SETBP1: variants seen among roughly 807,000 people sequenced by gnomAD.
SETBP1 encodes the protein SET binding protein 1, also known as SET-binding protein.
In SETBP1, 9 loss-of-function variants were observed where a neutral mutation model predicts 101.0. That is an observed-to-expected ratio of 0.09 (90% CI 0.05 to 0.16). The LOEUF (loss-of-function observed/expected upper bound fraction) is 0.16, where lower values mean the gene tolerates loss of function less well. Ranked by LOEUF, SETBP1 falls within the 10% of genes least tolerant of loss-of-function variation. The pLI, the probability that SETBP1 is intolerant of heterozygous loss-of-function variation, is 1.00. For missense variants in SETBP1, 1,858 were observed against 2,033.8 expected (o/e 0.91, Z 1.66); for synonymous variants, 818 against 788.5 (o/e 1.04, Z -0.63).
chr18:44,687,578 G>T (rs2068859278), intron 1 of SETBP1, among the ~76,000 whole-genome samples: 2 of 152,170 alleles, frequency 1.3e-5, no homozygotes, highest in South Asian at 4.1e-4. Flanking sequence ...GAGTAATGTG[G>T]AAGGAAGAAA....
chr18:44,812,030 C>A (rs1723522435), intron 2 of SETBP1, among the ~76,000 whole-genome samples: 1 of 152,200 alleles, frequency 6.6e-6, no homozygotes, highest in Non-Finnish European at 1.5e-5. Flanking sequence ...GTGGCCTGAG[C>A]AGCTGCCCCA....
intron 3 of SETBP1, among the ~76,000 whole-genome samples, chr18:44,901,323 G>A (rs2070039890): frequency 6.6e-6 from 1 of 152,168 alleles, no homozygotes. Flanking sequence ...AGGAGCAATG[G>A]CATTGAAAAG....
intron 2 of SETBP1, among the ~76,000 whole-genome samples, chr18:44,856,822 C>T (rs137946841): frequency 3.3e-5 from 5 of 152,256 alleles, no homozygotes; most frequent in East Asian, 3.9e-4. Flanking sequence ...TCTTTCATTG[C>T]GATATGGCAA....
chr18:44,868,931 T>G (rs1248341153), intron 2 of SETBP1, among the ~76,000 whole-genome samples: 1 of 152,152 alleles, frequency 6.6e-6, no homozygotes, highest in Non-Finnish European at 1.5e-5. Flanking sequence ...GCCATGGACC[T>G]GATGAAGGCC....
chr18:44,987,225 C>G (rs1485591325), intron 4 of SETBP1: 3 of 152,182 alleles, frequency 2.0e-5, no homozygotes, highest in Non-Finnish European at 4.4e-5. Flanking sequence ...CTGACCAAAA[C>G]AATGTTATGC....
chr18:45,005,044 AT>A (rs1197030600), intron 4 of SETBP1, among the ~76,000 whole-genome samples: 1 of 152,224 alleles, frequency 6.6e-6, no homozygotes, highest in African/African-American at 2.4e-5. Context: ...GCAGAGTCCT[AT>A]AAGGGCTTTG....
chr18:44,921,067 G>A (rs939421260), intron 3 of SETBP1, among the ~76,000 whole-genome samples: 3 of 152,188 alleles, frequency 2.0e-5, no homozygotes, highest in Non-Finnish European at 4.4e-5. Flanking sequence ...ATTCATAAAA[G>A]GAGGTAATCA....
intron 4 of SETBP1, among the ~76,000 whole-genome samples, chr18:45,015,982 C>T (rs1274062330): frequency 6.6e-6 from 1 of 152,146 alleles, no homozygotes; most frequent in Non-Finnish European, 1.5e-5. Context: ...AAACTGAGGC[C>T]AAAAGTCCTA....
intron 2 of SETBP1, among the ~76,000 whole-genome samples, chr18:44,775,061 C>G (rs2070967637): frequency 6.6e-6 from 1 of 151,974 alleles, no homozygotes; most frequent in Admixed American, 6.6e-5. Context: ...ATGCTGATAC[C>G]TTCAAATCAA....
Position 44,952,071 on chromosome 18 carries a change from A to T in SETBP1, c.2731A>T (p.Thr911Ser). The T allele has an allele frequency of 6.2e-7, 1 of 1,614,104 alleles. No individual in the cohort carries two copies. The highest frequency in any genetic ancestry group is 1.1e-5 in the South Asian group (1 of 91,074). Reference protein sequence around the residue: ...NPEAIPSDTSTKNRHGHRQKH... With the variant: ...NPEAIPSDTSSKNRHGHRQKH... ...GGAGGCCATTCCGTCCGACACCAGC[A>T]CAAAGAACCGGCATGGCCACCGGCA... Residue 911 changes from threonine to serine, a missense_variant, in exon 4 of 6, where the codon ACA becomes TCA. Around this residue, in one of 12 missense-constraint regions of SETBP1, gnomAD observed 255 missense variants for 300.1 expected, o/e 0.85. Transcript: ENST00000649279.
At chr18:44,832,096 A>G (rs2072384152) in intron 2 of SETBP1, among the ~76,000 whole-genome samples, 1 of 152,216 alleles carries the variant, frequency 6.6e-6, no homozygotes, top group African/African-American at 2.4e-5. Flanking sequence ...TCTGGAGAAC[A>G]GGTGGTCTTT....
chr18:44,787,877 A>AAAAAAAAAAAAAAAAAAAAAAG, intron 2 of SETBP1, among the ~76,000 whole-genome samples: 1 of 130,336 alleles, frequency 7.7e-6, no homozygotes, highest in Admixed American at 7.8e-5. Context: ...AAAAAAAAAA[A>AAAAAAAAAAAAAAAAAAAAAAG]AAAGAAAATT....
At chr18:44,698,336 T>C (rs2069054672) in intron 1 of SETBP1, among the ~76,000 whole-genome samples, 1 of 152,216 alleles carries the variant, frequency 6.6e-6, no homozygotes, top group Non-Finnish European at 1.5e-5. Flanking sequence ...CCTTCTCCAC[T>C]GCCATTCCTT....
chr18:45,037,476 G>A (rs1438053650), intron 4 of SETBP1, among the ~76,000 whole-genome samples: 2 of 152,118 alleles, frequency 1.3e-5, no homozygotes, highest in African/African-American at 4.8e-5. Context: ...ACGGTTCTAA[G>A]CTCTTTACAT....
chr18:44,882,348 A>G (rs550812163), intron 3 of SETBP1, among the ~76,000 whole-genome samples: 22 of 151,982 alleles, frequency 1.4e-4, no homozygotes, highest in Non-Finnish European at 2.9e-4. Context: ...CTGACAGCTC[A>G]AGTGGAAGTT....
In SETBP1 at chr18:44,735,240, C is replaced by T. The variant is rs116085447; in HGVS notation, c.486+33408C>T. Among the ~76,000 whole-genome samples the T allele has an allele frequency of 4.6e-3, 698 of 152,286 alleles. 5 individuals are homozygous for T. The highest frequency in any genetic ancestry group is 0.016 in the African/African-American group (653 of 41,548). ...TGCTGAAATCAATTGAGGATACAGA[C>T]CCAGCTTGGCTCTGCATTAGGAGGC... On this transcript the variant is annotated intron_variant, in intron 2 of 5. Coordinates refer to ENST00000649279, the MANE Select transcript of SETBP1 (RefSeq NM_015559.3).
At chr18:44,932,578 A>G (rs926959212) in intron 3 of SETBP1, among the ~76,000 whole-genome samples, 1 of 152,164 alleles carries the variant, frequency 6.6e-6, no homozygotes. Context: ...AGGTACACCA[A>G]TCAGATGTAG....
intron 3 of SETBP1, among the ~76,000 whole-genome samples, chr18:44,916,659 C>G (rs571844860): frequency 6.6e-6 from 1 of 150,640 alleles, no homozygotes; most frequent in South Asian, 2.1e-4. Flanking sequence ...AGCCCAGACA[C>G]GGAGAGAATA....
At chr18:44,954,388 T>C (rs1218113844) in intron 4 of SETBP1, among the ~76,000 whole-genome samples, 1 of 130,482 alleles carries the variant, frequency 7.7e-6, no homozygotes, top group Non-Finnish European at 1.7e-5. Flanking sequence ...CCAAATAGTA[T>C]AAAACCCTCC....
Sources: gnomAD v4.1 joint callset for allele counts (sites outside exome capture counted in the v4.1 genomes callset) on GRCh38, gnomAD v4.1.1 for gene constraint, gnomAD v4.1.1 regional missense constraint, MANE v1.5 for transcripts, NCBI Gene and HGNC (gene_info 2026-07-23, HGNC 2026-07-21) for gene names.